GLRA2: variants seen among roughly 807,000 people sequenced by gnomAD.
GLRA2 encodes glycine receptor alpha 2, also known as glycine receptor subunit alpha-2.
In GLRA2, 11 loss-of-function variants were observed where a neutral mutation model predicts 31.6. The observed-to-expected ratio is 0.35, with a 90% CI of 0.22 to 0.58. The LOEUF is 0.58. GLRA2 is among the 20% of genes least tolerant of loss of function. GLRA2 has a pLI of 0.84. For synonymous variants in GLRA2, 132 were observed against 134.0 expected (o/e 0.99, Z 0.10); for missense variants, 212 against 351.8 (o/e 0.60, Z 3.18).
At chrX:14,554,162 A>G (rs1180262591) in intron 2 of GLRA2, among the ~76,000 whole-genome samples, 2 of 112,336 alleles carry the variant, frequency 1.8e-5, no homozygotes, top group African/African-American at 6.5e-5. Context: ...GCACTTGTAA[A>G]CACAACAAGC....
intron 4 of GLRA2, among the ~76,000 whole-genome samples, chrX:14,597,684 CAA>C (rs2090222309): frequency 9.0e-6 from 1 of 111,269 alleles, no homozygotes; most frequent in African/African-American, 3.3e-5. Flanking sequence ...GCTTCATAGA[CAA>C]AAGAGGATAA....
At chrX:14,511,035 G>A in the GLRA2 span, among the ~76,000 whole-genome samples, 1 of 110,957 alleles carries the variant, frequency 9.0e-6, no homozygotes, top group African/African-American at 3.3e-5. Flanking sequence ...CCACTAACTC[G>A]TCATCTAGCA....
the GLRA2 span, among the ~76,000 whole-genome samples, chrX:14,502,482 T>G: frequency 8.9e-6 from 1 of 111,803 alleles, no homozygotes; most frequent in Non-Finnish European, 1.9e-5. Flanking sequence ...ATTTATTGAG[T>G]ATTTACTGTA....
the GLRA2 span, among the ~76,000 whole-genome samples, chrX:14,506,569 G>T: frequency 8.9e-6 from 1 of 111,893 alleles, no homozygotes. Context: ...CCCGGCCAAA[G>T]GCCTCTTTTC....
the GLRA2 span, among the ~76,000 whole-genome samples, chrX:14,517,286 A>G: frequency 4.1e-4 from 46 of 112,241 alleles, no homozygotes; most frequent in African/African-American, 1.4e-3. Flanking sequence ...TCTAGGTATT[A>G]ATTATTTAAA....
intron 7 of GLRA2, among the ~76,000 whole-genome samples, chrX:14,670,657 C>A (rs1323916111): frequency 9.0e-6 from 1 of 110,985 alleles, no homozygotes; most frequent in African/African-American, 3.3e-5. Flanking sequence ...GACAACAGCA[C>A]GGGAAAGACC....
intron 8 of GLRA2, among the ~76,000 whole-genome samples, chrX:14,711,900 C>G (rs764956144): frequency 2.7e-5 from 3 of 112,106 alleles, no homozygotes; most frequent in African/African-American, 9.7e-5. Flanking sequence ...ATAATAATTC[C>G]TTAAAGACAG....
chrX:14,592,418 C>G (rs891189198), intron 4 of GLRA2, among the ~76,000 whole-genome samples: 1 of 111,363 alleles, frequency 9.0e-6, no homozygotes, highest in Non-Finnish European at 1.9e-5. Context: ...CACCTGCAAT[C>G]TTAGCACTTG....
upstream of GLRA2, among the ~76,000 whole-genome samples, chrX:14,527,013 GA>G (rs762735518): frequency 3.6e-5 from 4 of 111,168 alleles, no homozygotes; most frequent in East Asian, 2.8e-4. Context: ...CCAGGAGGAA[GA>G]AAAGGCCAAT....
intron 7 of GLRA2, among the ~76,000 whole-genome samples, chrX:14,616,602 A>G (rs981065288): frequency 2.7e-5 from 3 of 111,720 alleles, no homozygotes; most frequent in Admixed American, 9.6e-5. Flanking sequence ...GCTTCTAACT[A>G]GAGATTGCAG....
chrX:14,456,008 A>T, the GLRA2 span, among the ~76,000 whole-genome samples: 2 of 110,956 alleles, frequency 1.8e-5, no homozygotes, highest in Non-Finnish European at 3.8e-5. Context: ...ATAAATTTGG[A>T]CTTTTTTCCT....
the GLRA2 span, among the ~76,000 whole-genome samples, chrX:14,472,705 G>A: frequency 2.7e-5 from 3 of 111,391 alleles, no homozygotes; most frequent in African/African-American, 9.8e-5. Context: ...TTTAATGAAG[G>A]GTTGCTAGGT....
At chrX:14,465,058 A>G in the GLRA2 span, among the ~76,000 whole-genome samples, 1 of 112,265 alleles carries the variant, frequency 8.9e-6, no homozygotes, top group Non-Finnish European at 1.9e-5. Context: ...TGAAGAATTA[A>G]TAGGAATTAC....
intron 8 of GLRA2, among the ~76,000 whole-genome samples, chrX:14,721,577 AT>A (rs1397636625): frequency 9.0e-6 from 1 of 111,595 alleles, no homozygotes; most frequent in African/African-American, 3.3e-5. Context: ...TATAAGACCT[AT>A]TGCCTGTCTG....
chrX:14,458,285 G>A, the GLRA2 span, among the ~76,000 whole-genome samples: 167 of 111,497 alleles, frequency 1.5e-3, no homozygotes, highest in African/African-American at 5.2e-3. Context: ...TGGACATTTG[G>A]GTTGGTTCCA....
the GLRA2 span, among the ~76,000 whole-genome samples, chrX:14,451,456 C>A: frequency 1.8e-5 from 2 of 109,295 alleles, no homozygotes; most frequent in Admixed American, 2.0e-4. Flanking sequence ...CACGGTAAAA[C>A]CCATCTCTAC....
intron 3 of GLRA2, among the ~76,000 whole-genome samples, chrX:14,578,048 C>T (rs930090602): frequency 8.9e-6 from 1 of 111,844 alleles, no homozygotes; most frequent in Admixed American, 9.5e-5. Context: ...GATTTCTCTA[C>T]ATTTTCTGGA....
chrX:14,602,734 C>T lies in GLRA2; in HGVS notation c.495-1581C>T, dbSNP rs553024476. ...TTAGAATAATGGTCTCCAGTCCCATCCAGGTTGCTGTGAATGCCATTAATT... is the reference window on the plus strand; with the variant it reads ...TTAGAATAATGGTCTCCAGTCCCATTCAGGTTGCTGTGAATGCCATTAATT... On this transcript the variant is annotated intron_variant, in intron 4 of 8. Coordinates refer to ENST00000218075, the MANE Select transcript of GLRA2 (RefSeq NM_002063.4). 7.1e-5 allele frequency among the ~76,000 whole-genome samples: 8 copies of T among 111,897 alleles called. No homozygotes were observed. In the South Asian group the frequency reaches 2.2e-3, roughly 31 times the overall value.
the GLRA2 span, among the ~76,000 whole-genome samples, chrX:14,494,085 T>C: frequency 9.0e-6 from 1 of 111,056 alleles, no homozygotes; most frequent in Non-Finnish European, 1.9e-5. Context: ...AAAGTGTACA[T>C]ACTAAATAAT....
Sources: gnomAD v4.1 joint callset for allele counts (sites outside exome capture counted in the v4.1 genomes callset) on GRCh38, gnomAD v4.1.1 for gene constraint, MANE v1.5 for transcripts, NCBI Gene and HGNC (gene_info 2026-07-23, HGNC 2026-07-21) for gene names.